Variants in ADARB2 observed in about 807,000 individuals in gnomAD.
ADARB2 encodes the protein inactive double-stranded RNA-specific editase B2.
Under a neutral mutation model 62.2 loss-of-function variants are expected in ADARB2, and 25 were observed. The observed-to-expected ratio is 0.40, with a 90% CI of 0.29 to 0.56. ADARB2 has a LOEUF of 0.56. Among genes scored for constraint, ADARB2 ranks in the 20% least tolerant of loss-of-function variants. The pLI is 0.43. For synonymous variants in ADARB2, 572 were observed against 500.8 expected, an observed-to-expected ratio of 1.14 and a Z score of -1.90; for missense variants, 1,071 against 1,077.4, an observed-to-expected ratio of 0.99 and a Z score of 0.08.
At chr10:1,571,220 T>A (rs752875046) in intron 1 of ADARB2, among the ~76,000 whole-genome samples, 5 of 152,116 alleles carry the variant, frequency 3.3e-5, no homozygotes, top group Admixed American at 6.5e-5. Context: ...ACACACACTT[T>A]ACTGCAGAGC....
At chr10:1,248,607 C>T (rs965931576) in intron 4 of ADARB2, among the ~76,000 whole-genome samples, 8 of 152,174 alleles carry the variant, frequency 5.3e-5, no homozygotes, top group Admixed American at 1.3e-4. Flanking sequence ...CAGGATGGGG[C>T]GGCTGTGGTG....
intron 1 of ADARB2, among the ~76,000 whole-genome samples, chr10:1,606,853 T>C (rs1833500449): frequency 6.6e-6 from 1 of 152,104 alleles, no homozygotes; most frequent in South Asian, 2.1e-4. Context: ...AAACTAAACC[T>C]GAGGTTCACA....
intron 1 of ADARB2, among the ~76,000 whole-genome samples, chr10:1,663,981 C>A (rs1244524595): frequency 6.6e-6 from 1 of 152,232 alleles, no homozygotes; most frequent in African/African-American, 2.4e-5. Flanking sequence ...TTTATCCATT[C>A]ACCCACTGAA....
At chr10:1,658,599 C>T (rs35733348) in intron 1 of ADARB2, among the ~76,000 whole-genome samples, 3,537 of 152,266 alleles carry the variant, frequency 0.023, 53 homozygotes, top group Non-Finnish European at 0.035. Flanking sequence ...AGCACAGGAC[C>T]CAGTGGTGCA....
intron 2 of ADARB2, among the ~76,000 whole-genome samples, chr10:1,375,957 GCACACA>G (rs368350780): frequency 6.6e-5 from 2 of 30,474 alleles, no homozygotes; most frequent in South Asian, 8.6e-3. Context: ...CCACACACAT[GCACACA>G]CACACATGTG....
intron 3 of ADARB2, among the ~76,000 whole-genome samples, chr10:1,285,156 A>G (rs1831401822): frequency 1.3e-5 from 2 of 151,406 alleles, no homozygotes; most frequent in African/African-American, 2.4e-5. Context: ...AAAGAGAGAC[A>G]TCCAGCTGTC....
chr10:1,381,009 G>C (rs555018432), intron 1 of ADARB2, among the ~76,000 whole-genome samples: 1 of 152,298 alleles, frequency 6.6e-6, no homozygotes, highest in South Asian at 2.1e-4. Flanking sequence ...TTTAAGGATT[G>C]TTTTAGATCC....
intron 1 of ADARB2, among the ~76,000 whole-genome samples, chr10:1,436,810 T>C (rs2131892764): frequency 6.6e-6 from 1 of 152,348 alleles, no homozygotes; most frequent in East Asian, 1.9e-4. Flanking sequence ...CTTGATTTAT[T>C]ATTGACTATA....
At chr10:1,280,189 C>G (rs912992381) in intron 3 of ADARB2, among the ~76,000 whole-genome samples, 1 of 152,182 alleles carries the variant, frequency 6.6e-6, no homozygotes, top group Non-Finnish European at 1.5e-5. Context: ...TGAACTACTT[C>G]CTTAGAGGCC....
chr10:1,347,549 C>T (rs537968838), intron 3 of ADARB2, among the ~76,000 whole-genome samples: 5 of 152,312 alleles, frequency 3.3e-5, no homozygotes, highest in East Asian at 1.9e-4. Flanking sequence ...GGATGGCAGC[C>T]GTGTGACCTG....
intron 1 of ADARB2, among the ~76,000 whole-genome samples, chr10:1,673,626 G>C (rs1038948693): frequency 1.3e-5 from 2 of 152,210 alleles, no homozygotes; most frequent in East Asian, 1.9e-4. Flanking sequence ...ATGAGAGTGT[G>C]AAAAATGAAC....
At chr10:1,676,279 C>T (rs1201355358) in intron 1 of ADARB2, among the ~76,000 whole-genome samples, 1 of 152,098 alleles carries the variant, frequency 6.6e-6, no homozygotes, top group Non-Finnish European at 1.5e-5. Context: ...GAGTGCAGCT[C>T]ACAGACCCAA....
chr10:1,618,328 G>C (rs1396184070), intron 1 of ADARB2, among the ~76,000 whole-genome samples: 2 of 152,092 alleles, frequency 1.3e-5, no homozygotes, highest in Admixed American at 1.3e-4. Flanking sequence ...ACTGTTTAGT[G>C]GATATTGTAA....
chr10:1,701,796 C>G (rs1436775753), intron 1 of ADARB2, among the ~76,000 whole-genome samples: 1 of 142,314 alleles, frequency 7.0e-6, no homozygotes, highest in Non-Finnish European at 1.5e-5. Flanking sequence ...ACCGGGAGAC[C>G]GGGCACTCGC....
chr10:1,610,572 C>T (rs1833555619), intron 1 of ADARB2, among the ~76,000 whole-genome samples: 1 of 152,212 alleles, frequency 6.6e-6, no homozygotes, highest in Non-Finnish European at 1.5e-5. Context: ...CCTCATCCAG[C>T]ACCAGCTGCT....
At chr10:1,459,929 TG>T (rs1831147329) in intron 1 of ADARB2, among the ~76,000 whole-genome samples, 1 of 144,730 alleles carries the variant, frequency 6.9e-6, no homozygotes, top group African/African-American at 2.7e-5. Context: ...GCCTGTGACC[TG>T]AGTTTACCTG....
At chr10:1,519,815 A>G (rs1321329839) in intron 1 of ADARB2, among the ~76,000 whole-genome samples, 1 of 151,608 alleles carries the variant, frequency 6.6e-6, no homozygotes, top group African/African-American at 2.4e-5. Context: ...GGATCTTGTA[A>G]CTCTTACCTC....
intron 1 of ADARB2, among the ~76,000 whole-genome samples, chr10:1,585,087 G>T (rs1833155922): frequency 1.3e-5 from 2 of 152,050 alleles, no homozygotes; most frequent in Non-Finnish European, 2.9e-5. Flanking sequence ...TTCTGCTATG[G>T]TGAACCCTAA....
At chr10:1,444,012 C>CCCAT (rs766674526) in intron 1 of ADARB2, among the ~76,000 whole-genome samples, 12,104 of 150,608 alleles carry the variant, frequency 0.08, 613 homozygotes, top group Middle Eastern at 0.18. Context: ...TGTCCATCCA[C>CCCAT]CCATCCATCC....
Sources: gnomAD v4.1 joint callset for allele counts (sites outside exome capture counted in the v4.1 genomes callset) on GRCh38, gnomAD v4.1.1 for gene constraint, MANE v1.5 for transcripts, NCBI Gene and HGNC (gene_info 2026-07-23, HGNC 2026-07-21) for gene names.